Variants in SYTL5 observed in about 807,000 individuals in gnomAD.
SYTL5 encodes synaptotagmin-like protein 5.
Under a neutral mutation model 55.9 loss-of-function variants are expected in SYTL5, and 34 were observed. That is an observed-to-expected ratio of 0.61 (90% CI 0.46 to 0.81). The LOEUF is 0.81. Among genes scored for constraint, SYTL5 ranks in the 30% least tolerant of loss-of-function variants. The probability of loss-of-function intolerance (pLI) is 0.00; values close to 1 mark genes in which losing one functional copy is unlikely to be tolerated. For synonymous variants in SYTL5, 221 were observed against 188.7 expected (o/e 1.17, Z -1.40); for missense variants, 637 against 546.7 (o/e 1.17, Z -1.65).
the SYTL5 span, among the ~76,000 whole-genome samples, chrX:37,972,313 G>A: frequency 9.0e-6 from 1 of 111,552 alleles, no homozygotes; most frequent in Non-Finnish European, 1.9e-5. Flanking sequence ...ATTCCCTTTA[G>A]AATGCATCTC....
At chrX:37,990,732 C>A in the SYTL5 span, 96 of 1,062,737 alleles carry the variant, frequency 9.0e-5, no homozygotes, top group Non-Finnish European at 1.1e-4. Flanking sequence ...CCAATAAGGG[C>A]CTGGAGCAGA....
At chrX:38,118,920 A>AATATATATATAT (rs61288420) in intron 13 of SYTL5, among the ~76,000 whole-genome samples, 16 of 88,985 alleles carry the variant, frequency 1.8e-4, no homozygotes, top group African/African-American at 7.1e-4. Flanking sequence ...ATGCCCAGCT[A>AATATATATATAT]ATATATATAT....
At chrX:38,032,305 A>T (rs938520559) in intron 1 of SYTL5, among the ~76,000 whole-genome samples, 4 of 112,119 alleles carry the variant, frequency 3.6e-5, no homozygotes, top group African/African-American at 1.3e-4. Context: ...AGAAGTCATC[A>T]TTCTTAAGCA....
the SYTL5 span, among the ~76,000 whole-genome samples, chrX:37,914,989 AAC>A: frequency 9.0e-6 from 1 of 111,430 alleles, no homozygotes; most frequent in Admixed American, 9.5e-5. Context: ...TATTTAGAAA[AAC>A]ACAGTTTGTT....
At chrX:38,094,175 T>G (rs1936866133) in intron 7 of SYTL5, 120 bp from the exon 8 acceptor site, 1 of 621,519 alleles carries the variant, frequency 1.6e-6, no homozygotes, top group Admixed American at 3.9e-5. Context: ...AAATGTCAAT[T>G]AGCTCCTCCT....
intron 9 of SYTL5, among the ~76,000 whole-genome samples, chrX:38,098,586 T>C (rs1225864850): frequency 1.8e-5 from 2 of 110,402 alleles, no homozygotes; most frequent in East Asian, 2.8e-4. Context: ...CCCCCCTACA[T>C]TGCTAGTGGT....
chrX:37,996,360 C>T, the SYTL5 span, among the ~76,000 whole-genome samples: 1 of 112,056 alleles, frequency 8.9e-6, no homozygotes, highest in African/African-American at 3.2e-5. Context: ...ATATTTAGGC[C>T]TTTTGTGCAT....
At chrX:38,031,419 C>A (rs1006832935) in intron 1 of SYTL5, among the ~76,000 whole-genome samples, 1 of 111,470 alleles carries the variant, frequency 9.0e-6, no homozygotes, top group Non-Finnish European at 1.9e-5. Flanking sequence ...GTGTTACTTC[C>A]CTCCCTTCAT....
chrX:38,081,704 C>A (rs766550247), intron 6 of SYTL5, among the ~76,000 whole-genome samples: 1 of 111,815 alleles, frequency 8.9e-6, no homozygotes, highest in Non-Finnish European at 1.9e-5. Flanking sequence ...ATCTCACTGG[C>A]CAATTCTAGA....
intron 4 of SYTL5, 63 bp downstream of exon 4, chrX:38,072,225 T>C: frequency 1.2e-6 from 1 of 857,927 alleles, no homozygotes. Context: ...ACTAAATAAC[T>C]TCTCTATGTT....
chrX:37,974,282 G>A, the SYTL5 span, among the ~76,000 whole-genome samples: 1 of 112,307 alleles, frequency 8.9e-6, no homozygotes, highest in East Asian at 2.8e-4. Context: ...GATACGTACT[G>A]CAACATGAAT....
the SYTL5 span, among the ~76,000 whole-genome samples, chrX:37,975,487 A>G: frequency 8.9e-6 from 1 of 111,929 alleles, no homozygotes; most frequent in Non-Finnish European, 1.9e-5. Context: ...GTTAAAAAAT[A>G]TATACTAGTT....
chrX:38,066,513 A>G (rs1445424331), intron 3 of SYTL5, among the ~76,000 whole-genome samples: 1 of 111,706 alleles, frequency 9.0e-6, no homozygotes, highest in African/African-American at 3.3e-5. Flanking sequence ...CATAAAGTCT[A>G]TGTCAAGTCT....
chrX:37,991,288 G>C, the SYTL5 span: 4 of 1,105,967 alleles, frequency 3.6e-6, no homozygotes, highest in African/African-American at 5.6e-5. Context: ...TCATCAACAA[G>C]TGCTATTAAA....
chrX:38,005,176 CTT>C (rs1226461571), upstream of SYTL5, among the ~76,000 whole-genome samples: 1 of 111,805 alleles, frequency 8.9e-6, no homozygotes, highest in Non-Finnish European at 1.9e-5. Context: ...GGACCTTAGA[CTT>C]TCTGCATAAC....
Position 38,076,513 on chromosome X carries a change from AT to A in SYTL5, c.555-49del, listed in dbSNP as rs1339109986. ...CTAGAAATTGTATTCTTGAAATGATATTTTTAAATGCTTTCTTTCTTATCTA... is the reference window on the plus strand; with the variant it reads ...CTAGAAATTGTATTCTTGAAATGATATTTTAAATGCTTTCTTTCTTATCTA... On this transcript the variant is annotated intron_variant, in intron 5 of 16. Transcript: ENST00000297875. 3.1e-5 allele frequency: 29 copies of A among 941,833 alleles called. No individual in the cohort carries two copies. In the East Asian group the frequency reaches 7.2e-4, roughly 23 times the overall value. The allele number at this position is 941,833 out of a possible 1,213,427, so 77.6% of individuals were successfully genotyped here.
chrX:37,945,153 T>C, the SYTL5 span, among the ~76,000 whole-genome samples: 2 of 112,795 alleles, frequency 1.8e-5, no homozygotes. Flanking sequence ...GAGATAACTG[T>C]GAATTATATG....
At chrX:38,053,876 T>A (rs772775255) in intron 2 of SYTL5, among the ~76,000 whole-genome samples, 4 of 112,271 alleles carry the variant, frequency 3.6e-5, no homozygotes, top group Non-Finnish European at 5.6e-5. Flanking sequence ...AATTCAAAAG[T>A]AAAACACAAA....
intron 2 of SYTL5, among the ~76,000 whole-genome samples, chrX:38,049,609 C>T (rs1935568750): frequency 9.0e-6 from 1 of 111,361 alleles, no homozygotes; most frequent in Admixed American, 9.5e-5. Flanking sequence ...AAAGGCATGA[C>T]CTAAAGGTAT....
Sources: allele counts gnomAD v4.1 joint callset (sites outside exome capture counted in the v4.1 genomes callset), GRCh38; gene constraint gnomAD v4.1.1; transcripts MANE v1.5; gene names NCBI Gene and HGNC (gene_info 2026-07-23, HGNC 2026-07-21).